OPCML: variants seen among roughly 807,000 people sequenced by gnomAD.
OPCML encodes opioid-binding protein/cell adhesion molecule.
Under a neutral mutation model 37.8 loss-of-function variants are expected in OPCML, and 13 were observed. The observed-to-expected ratio is 0.34, with a 90% CI of 0.22 to 0.55. The LOEUF (loss-of-function observed/expected upper bound fraction) is 0.55. Among genes scored for constraint, OPCML ranks in the 20% least tolerant of loss-of-function variants. The probability of loss-of-function intolerance (pLI) is 0.91; values close to 1 mark genes in which losing one functional copy is unlikely to be tolerated. For missense variants in OPCML, 341 were observed against 435.6 expected (o/e 0.78, Z 1.93); for synonymous variants, 176 against 168.8 (o/e 1.04, Z -0.33).
intron 1 of OPCML, among the ~76,000 whole-genome samples, chr11:132,993,823 C>G (rs971667074): frequency 3.9e-5 from 6 of 152,178 alleles, no homozygotes; most frequent in East Asian, 1.9e-4. Context: ...ACTACCCCCC[C>G]ACCCCGGAAT....
At chr11:132,873,400 G>A (rs887590468) in intron 2 of OPCML, among the ~76,000 whole-genome samples, 2 of 152,096 alleles carry the variant, frequency 1.3e-5, no homozygotes, top group Non-Finnish European at 2.9e-5. Flanking sequence ...GAGCCCCCCA[G>A]GTGTAGGCAT....
chr11:133,399,154 C>T (rs942437070), intron 1 of OPCML, among the ~76,000 whole-genome samples: 2 of 152,064 alleles, frequency 1.3e-5, no homozygotes, highest in East Asian at 3.9e-4. Context: ...AAGAAAGAAT[C>T]AGGAAAGTAA....
intron 4 of OPCML, among the ~76,000 whole-genome samples, chr11:132,465,267 G>A (rs1939956): frequency 0.58 from 88,248 of 151,878 alleles, 26,361 homozygotes; most frequent in East Asian, 0.91. Context: ...TTAAAATGTA[G>A]TGAAGGCTAC....
At chr11:132,513,423 A>AT (rs2096273219) in intron 4 of OPCML, among the ~76,000 whole-genome samples, 1 of 152,106 alleles carries the variant, frequency 6.6e-6, no homozygotes, top group Admixed American at 6.6e-5. Context: ...GCTTACATTA[A>AT]TTTTTGTTTT....
intron 2 of OPCML, among the ~76,000 whole-genome samples, chr11:132,778,961 C>CTTT (rs10657036): frequency 0.019 from 1,632 of 87,858 alleles, 38 homozygotes; most frequent in Middle Eastern, 0.031. Flanking sequence ...TGGTATATTT[C>CTTT]TTTTTTTTTT....
At chr11:133,311,790 A>G (rs553970255) in intron 1 of OPCML, among the ~76,000 whole-genome samples, 38 of 152,326 alleles carry the variant, frequency 2.5e-4, no homozygotes, top group African/African-American at 9.1e-4. Context: ...TGGGGCATAG[A>G]GAAATTATTA....
At chr11:132,646,429 G>T (rs984905555) in intron 3 of OPCML, among the ~76,000 whole-genome samples, 1 of 152,140 alleles carries the variant, frequency 6.6e-6, no homozygotes, top group African/African-American at 2.4e-5. Context: ...TGTCAACAGG[G>T]ATCCATTAAA....
Position 132,601,461 on chromosome 11 carries a change from T to C in OPCML, c.379+55626A>G, listed in dbSNP as rs140949062. On this transcript the variant is annotated intron_variant, in intron 3 of 7. Coordinates refer to ENST00000524381, the MANE Select transcript of OPCML (RefSeq NM_001012393.5). ...GCACTCATTTGTCAAAACCTGTGTC[T>C]TGATTAGAAAGCACGAATATTATAT... 8.5e-4 allele frequency among the ~76,000 whole-genome samples: 130 copies of C among 152,332 alleles called. 1 individual carries two copies. The East Asian group carries it at 0.024, about 28-fold the overall frequency.
At chr11:132,633,533 C>A (rs80264345) in intron 3 of OPCML, among the ~76,000 whole-genome samples, 2,341 of 152,268 alleles carry the variant, frequency 0.015, 30 homozygotes, top group African/African-American at 0.022. Context: ...CCCACTCCCC[C>A]AGTCACAGGA....
At chr11:133,328,980 CAA>C (rs1331794391) in intron 1 of OPCML, among the ~76,000 whole-genome samples, 1 of 152,194 alleles carries the variant, frequency 6.6e-6, no homozygotes, top group East Asian at 1.9e-4. Flanking sequence ...GCAACTTCAG[CAA>C]AGTCTCAGGA....
At chr11:133,050,338 C>T (rs1294892869) in intron 1 of OPCML, among the ~76,000 whole-genome samples, 1 of 152,234 alleles carries the variant, frequency 6.6e-6, no homozygotes, top group African/African-American at 2.4e-5. Context: ...CTGCTTGAAC[C>T]CTGGCAGAGA....
intron 1 of OPCML, chr11:133,006,494 T>C (rs981665497): frequency 4.8e-5 from 47 of 985,320 alleles, no homozygotes; most frequent in Non-Finnish European, 4.6e-5. Context: ...TTTATCTCCT[T>C]AATCATCATA....
chr11:132,582,890 G>C (rs1358642692), intron 3 of OPCML, among the ~76,000 whole-genome samples: 3 of 123,792 alleles, frequency 2.4e-5, no homozygotes, highest in Non-Finnish European at 4.8e-5. Context: ...CTATCACCCA[G>C]GCTGGAGTAC....
At chr11:133,368,101 G>A (rs1042676818) in intron 1 of OPCML, among the ~76,000 whole-genome samples, 3 of 152,166 alleles carry the variant, frequency 2.0e-5, no homozygotes, top group Non-Finnish European at 2.9e-5. Flanking sequence ...CTGTGGTGTT[G>A]CTGCAGGTAG....
At chr11:133,064,360 G>A (rs1422663981) in intron 1 of OPCML, among the ~76,000 whole-genome samples, 1 of 152,222 alleles carries the variant, frequency 6.6e-6, no homozygotes, top group Non-Finnish European at 1.5e-5. Flanking sequence ...CCCGGCTGAG[G>A]CCCCCGGGCA....
intron 1 of OPCML, among the ~76,000 whole-genome samples, chr11:133,376,951 A>G (rs1263758638): frequency 6.6e-6 from 1 of 152,238 alleles, no homozygotes; most frequent in Admixed American, 6.5e-5. Context: ...GGAAATGAAG[A>G]AAGGTCAAAA....
At chr11:133,310,900 G>A (rs568992001) in intron 1 of OPCML, among the ~76,000 whole-genome samples, 1 of 152,288 alleles carries the variant, frequency 6.6e-6, no homozygotes, top group Non-Finnish European at 1.5e-5. Context: ...CTTTGTTCTG[G>A]AAAACAGTGA....
intron 1 of OPCML, among the ~76,000 whole-genome samples, chr11:133,227,480 A>G (rs541923638): frequency 1.3e-5 from 2 of 152,296 alleles, no homozygotes; most frequent in East Asian, 1.9e-4. Context: ...ACACGTCTCA[A>G]GAGGGCACCT....
At chr11:132,875,937 T>A (rs747177678) in intron 2 of OPCML, among the ~76,000 whole-genome samples, 1 of 152,200 alleles carries the variant, frequency 6.6e-6, no homozygotes, top group Non-Finnish European at 1.5e-5. Flanking sequence ...AACCCAGATG[T>A]TAAAAAATAA....
Sources: allele counts gnomAD v4.1 joint callset (sites outside exome capture counted in the v4.1 genomes callset), GRCh38; gene constraint gnomAD v4.1.1; transcripts MANE v1.5; gene names NCBI Gene and HGNC (gene_info 2026-07-23, HGNC 2026-07-21).